INPP4B: variants seen among roughly 807,000 people sequenced by gnomAD.
The protein encoded by INPP4B is inositol polyphosphate-4-phosphatase type II B, also known as inositol polyphosphate 4-phosphatase type II.
Under a neutral mutation model 122.5 loss-of-function variants are expected in INPP4B, and 55 were observed. That is an observed-to-expected ratio of 0.45 (90% confidence interval 0.36 to 0.56). INPP4B has a LOEUF of 0.56. INPP4B is among the 20% of genes least tolerant of loss of function. The pLI is 0.00. For synonymous variants in INPP4B, 403 were observed against 388.7 expected (o/e 1.04, Z -0.43); for missense variants, 1,000 against 1,097.7 (o/e 0.91, Z 1.26).
intron 2 of INPP4B, among the ~76,000 whole-genome samples, chr4:142,640,277 T>C (rs918161089): frequency 1.3e-5 from 2 of 152,060 alleles, no homozygotes; most frequent in Non-Finnish European, 2.9e-5. Flanking sequence ...GTAAGATGAC[T>C]TGCTCTATTG....
At chr4:142,474,732 C>T (rs34202951) in intron 2 of INPP4B, among the ~76,000 whole-genome samples, 2,300 of 152,154 alleles carry the variant, frequency 0.015, 34 homozygotes, top group Non-Finnish European at 0.022. Context: ...TGAACTCAGC[C>T]GGAGAGCACA....
intron 2 of INPP4B, among the ~76,000 whole-genome samples, chr4:142,688,282 G>C (rs1180634100): frequency 1.3e-5 from 2 of 152,074 alleles, no homozygotes; most frequent in Admixed American, 6.6e-5. Context: ...TGTTTTCTCT[G>C]TGAGTGCTGA....
chr4:142,219,688 T>C (rs1263879469), intron 12 of INPP4B, among the ~76,000 whole-genome samples: 6 of 152,210 alleles, frequency 3.9e-5, no homozygotes, highest in African/African-American at 1.4e-4. Context: ...GCCCACAATT[T>C]CAGAAATAGA....
chr4:142,171,423 C>T (rs1056864461), intron 16 of INPP4B, among the ~76,000 whole-genome samples: 9 of 151,922 alleles, frequency 5.9e-5, no homozygotes, highest in East Asian at 1.9e-4. Flanking sequence ...ATGAAGTAAA[C>T]GTTTTTATTT....
intron 7 of INPP4B, among the ~76,000 whole-genome samples, chr4:142,319,295 T>C (rs1224535204): frequency 6.6e-6 from 1 of 152,188 alleles, no homozygotes. Context: ...AGAGCCCAGA[T>C]GCTCTTCCTA....
chr4:142,635,259 G>A lies in INPP4B; in HGVS notation c.-191+90580C>T, dbSNP rs1360466312. ...AAGGGAACACTTATACACTGTTAGT[G>A]TGAGTTTAAATTAGCTCAATTATTG... On this transcript the variant is annotated intron_variant, in intron 2 of 25. Transcript: ENST00000262992. Among the ~76,000 whole-genome samples the A allele has an allele frequency of 6.6e-5, 10 of 152,160 alleles. No homozygotes were observed. The East Asian group carries it at 1.3e-3, about 20-fold the overall frequency.
rs186483703 is a variant in INPP4B, at chr4:142,740,501, G to A, written c.-253-14600C>T. 4.9e-3 allele frequency among the ~76,000 whole-genome samples: 750 copies of A among 152,090 alleles called. 2 individuals are homozygous for A. Among genetic ancestry groups the A allele is most frequent in the Non-Finnish European group, 7.8e-3 (532 of 67,960 alleles). On this transcript the variant is annotated intron_variant, in intron 1 of 25. Transcript: ENST00000262992. ...GATCTCACAAGGGCAAAATGAAGTC[G>A]GAGTTGAAACAATGGTTAACATCCT... is the stretch of plus-strand genomic sequence containing the variant.
intron 25 of INPP4B, among the ~76,000 whole-genome samples, chr4:142,037,088 C>T (rs1430744613): frequency 6.6e-6 from 1 of 152,286 alleles, no homozygotes; most frequent in East Asian, 1.9e-4. Flanking sequence ...GGAAGCAAAT[C>T]ACAATGTTGT....
chr4:142,524,410 A>T (rs1373006269), intron 2 of INPP4B, among the ~76,000 whole-genome samples: 1 of 151,968 alleles, frequency 6.6e-6, no homozygotes, highest in African/African-American at 2.4e-5. Flanking sequence ...ATGGCCAGTG[A>T]TGATGAGCAT....
chr4:142,813,671 G>C (rs1779781846), intron 1 of INPP4B, among the ~76,000 whole-genome samples: 1 of 152,004 alleles, frequency 6.6e-6, no homozygotes, highest in Admixed American at 6.6e-5. Flanking sequence ...CTAATAAAAA[G>C]TTTCATCTAA....
chr4:142,416,650 T>C (rs1805834041), intron 5 of INPP4B, among the ~76,000 whole-genome samples: 1 of 152,152 alleles, frequency 6.6e-6, no homozygotes, highest in Non-Finnish European at 1.5e-5. Flanking sequence ...CATAATGAGC[T>C]TCTCATTTTG....
At chr4:142,789,916 C>A (rs1280304078) in intron 1 of INPP4B, among the ~76,000 whole-genome samples, 1 of 151,994 alleles carries the variant, frequency 6.6e-6, no homozygotes, top group African/African-American at 2.4e-5. Flanking sequence ...GAATAGAGAA[C>A]ACAGAAATAA....
intron 7 of INPP4B, among the ~76,000 whole-genome samples, chr4:142,325,444 A>G (rs1771962269): frequency 6.6e-6 from 1 of 152,136 alleles, no homozygotes; most frequent in Non-Finnish European, 1.5e-5. Context: ...CCTAAACACA[A>G]TCCCAATTAA....
intron 2 of INPP4B, among the ~76,000 whole-genome samples, chr4:142,615,585 C>T (rs916305015): frequency 8.5e-5 from 13 of 152,062 alleles, no homozygotes; most frequent in African/African-American, 1.9e-4. Flanking sequence ...CTTACTGTCA[C>T]GAAGAGTCCA....
At chr4:142,463,796 T>C (rs1433069215) in intron 2 of INPP4B, among the ~76,000 whole-genome samples, 1 of 152,110 alleles carries the variant, frequency 6.6e-6, no homozygotes, top group Non-Finnish European at 1.5e-5. Flanking sequence ...GCTGCCACCA[T>C]GTGAAGAAGG....
chr4:142,056,039 C>T lies in INPP4B; in HGVS notation c.2642+25992G>A, dbSNP rs376700746. ...TTAGATTTTCATAAGGAGCACGTAG[C>T]CTAGATTCCTCGCATGTGCAGTTTG... On this transcript the variant is annotated intron_variant, in intron 25 of 25. Transcript: ENST00000262992. 6.6e-5 allele frequency among the ~76,000 whole-genome samples: 10 copies of T among 151,842 alleles called. No individual in the cohort carries two copies. In the East Asian group the frequency reaches 1.2e-3, roughly 18 times the overall value.
At chr4:142,480,341 TTCAGCTTTATGAAGTTTTTCAGAAAC>T (rs1216709658) in intron 2 of INPP4B, among the ~76,000 whole-genome samples, 1 of 152,136 alleles carries the variant, frequency 6.6e-6, no homozygotes, top group African/African-American at 2.4e-5. Context: ...GGAGGATCCT[TTCAGCTTTATGAAGTTTTTCAGAAAC>T]TCAGCCTGAG....
chr4:142,478,172 T>G (rs1044751666), intron 2 of INPP4B, among the ~76,000 whole-genome samples: 1 of 152,182 alleles, frequency 6.6e-6, no homozygotes, highest in African/African-American at 2.4e-5. Flanking sequence ...ATCTCGGAGC[T>G]TTTGGGCAGA....
At chr4:142,788,458 C>T (rs755236347) in intron 1 of INPP4B, among the ~76,000 whole-genome samples, 3 of 151,970 alleles carry the variant, frequency 2.0e-5, no homozygotes, top group Non-Finnish European at 2.9e-5. Flanking sequence ...AAACTAGAAA[C>T]GTTTTTATTG....
Sources: gnomAD v4.1 joint callset for allele counts (sites outside exome capture counted in the v4.1 genomes callset) on GRCh38, gnomAD v4.1.1 for gene constraint, MANE v1.5 for transcripts, NCBI Gene and HGNC (gene_info 2026-07-23, HGNC 2026-07-21) for gene names.